TRPV5: variants seen among roughly 807,000 people sequenced by gnomAD.
TRPV5 encodes the protein calcium transport protein 2.
TRPV5 carries 66 observed loss-of-function variants against 74.1 expected under a neutral mutation model. The observed-to-expected ratio is 0.89, with a 90% CI of 0.73 to 1.09. TRPV5 has a LOEUF of 1.09. Ranked by LOEUF, TRPV5 falls within the 50% of genes least tolerant of loss-of-function variation. The pLI is 0.00. For missense variants in TRPV5, 936 were observed against 930.4 expected (o/e 1.01, Z -0.08); for synonymous variants, 399 against 360.7 (o/e 1.11, Z -1.20).
Position 142,908,522 on chromosome 7 carries a change from G to A in TRPV5, c.2182C>T (p.His728Tyr). 1 of 1,614,052 alleles carries A rather than the reference G, an allele frequency of 6.2e-7. No homozygotes were observed. The highest frequency in any genetic ancestry group is 8.5e-7 in the Non-Finnish European group (1 of 1,179,910). ...LSEGDGEEVY[H>Y]F ...AGTGATAGCGATGTTAATCAAAAAT[G>A]GTAGACCTCCTCTCCATCCCCCTCA... is the stretch of plus-strand genomic sequence containing the variant. Residue 728 changes from histidine (H) to tyrosine (Y), a missense_variant, in exon 15 of 15, where the codon CAT becomes TAT. By Grantham distance (83) the His-to-Tyr change is moderately conservative. Transcript: ENST00000265310.
chr7:142,920,057 C>A (rs1411001742), intron 8 of TRPV5, among the ~76,000 whole-genome samples: 2 of 152,334 alleles, frequency 1.3e-5, no homozygotes, highest in East Asian at 1.9e-4. Context: ...GTCTTTGTCA[C>A]AACACACATG....
chr7:142,916,436 A>C (rs1019962240), intron 8 of TRPV5, among the ~76,000 whole-genome samples: 11 of 152,180 alleles, frequency 7.2e-5, no homozygotes, highest in Non-Finnish European at 1.3e-4. Context: ...TTTTGAAGTT[A>C]TGAGCTCACT....
At chr7:142,914,845 T>C in intron 11 of TRPV5, 36 bp downstream of exon 11, 1 of 1,612,510 alleles carries the variant, frequency 6.2e-7, no homozygotes, top group Non-Finnish European at 8.5e-7. Flanking sequence ...GAAGGTCTTG[T>C]GCCTGAGGCG....
Position 142,924,337 on chromosome 7 carries a change from C to CATATATATATACATATACATGTATAT in TRPV5, c.1122+1191_1122+1192insATATACATGTATATGTATATATATAT, listed in dbSNP as rs1795941536. Among the ~76,000 whole-genome samples, 39 of 10,446 alleles carry CATATATATATACATATACATGTATAT rather than the reference C, an allele frequency of 3.7e-3. 2 individuals are homozygous for CATATATATATACATATACATGTATAT. Among genetic ancestry groups the CATATATATATACATATACATGTATAT allele is most frequent in the Non-Finnish European group, 0.012 (37 of 3,182 alleles). 6.9% of individuals were successfully genotyped at this position (10,446 alleles called of 152,430 possible). A position where few individuals can be genotyped will look rare whatever the true frequency, so the allele number is the denominator to read the frequency against. ...ACACACATATACATGTATATATATA[C>CATATATATATACATATACATGTATAT]ATATATATATATATAGACATATACA... is the stretch of plus-strand genomic sequence containing the variant. On this transcript the variant is annotated intron_variant, in intron 8 of 14. Coordinates refer to ENST00000265310, the MANE Select transcript of TRPV5 (RefSeq NM_019841.7).
intron 8 of TRPV5, among the ~76,000 whole-genome samples, chr7:142,923,239 G>A (rs191344011): frequency 2.7e-4 from 41 of 152,206 alleles, no homozygotes; most frequent in African/African-American, 9.6e-4. Flanking sequence ...GTCAACAATT[G>A]CATGAGTCAA....
At chr7:142,920,935 G>C (rs1474136344) in intron 8 of TRPV5, among the ~76,000 whole-genome samples, 1 of 152,162 alleles carries the variant, frequency 6.6e-6, no homozygotes, top group Admixed American at 6.5e-5. Flanking sequence ...CATGATCAGT[G>C]CTCAGTGGAT....
chr7:142,931,002 C>T (rs1796081410), intron 1 of TRPV5, among the ~76,000 whole-genome samples: 1 of 147,602 alleles, frequency 6.8e-6, no homozygotes, highest in Non-Finnish European at 1.5e-5. Flanking sequence ...AAAGTTCTGA[C>T]TACTCCCTCA....
rs560500461 is a variant in TRPV5, at chr7:142,928,632, C to G, written c.762+59G>C. Reference sequence around the variant, plus strand: ...CCTTCACCTCTATTTCTCCCAGGGCCAGCAGGATAGGTTGAGGGTCATTAG... The same window carrying G: ...CCTTCACCTCTATTTCTCCCAGGGCGAGCAGGATAGGTTGAGGGTCATTAG... On this transcript the variant is annotated intron_variant, in intron 6 of 14. Coordinates refer to ENST00000265310, the MANE Select transcript of TRPV5 (RefSeq NM_019841.7). The G allele has an allele frequency of 7.1e-6, 11 of 1,551,872 alleles. No homozygotes were observed. The South Asian group carries it at 1.3e-4, about 19-fold the overall frequency.
At chr7:142,910,338 G>A (rs1217980179) in intron 13 of TRPV5, among the ~76,000 whole-genome samples, 1 of 152,150 alleles carries the variant, frequency 6.6e-6, no homozygotes, top group Non-Finnish European at 1.5e-5. Flanking sequence ...AAAGGTGTGG[G>A]AGTGCTAGCT....
At chr7:142,910,755 GT>G (rs1267153593) in intron 13 of TRPV5, among the ~76,000 whole-genome samples, 2 of 152,180 alleles carry the variant, frequency 1.3e-5, no homozygotes, top group Non-Finnish European at 2.9e-5. Flanking sequence ...TGAAAGAAAT[GT>G]TTATTGTTCC....
intron 8 of TRPV5, among the ~76,000 whole-genome samples, chr7:142,920,911 T>A (rs1171478198): frequency 6.6e-6 from 1 of 152,204 alleles, no homozygotes; most frequent in African/African-American, 2.4e-5. Flanking sequence ...AAAACACTGA[T>A]GAATGCATGT....
intron 11 of TRPV5, 38 bp from the exon 12 acceptor site, chr7:142,914,744 C>A (rs768816637): frequency 6.2e-7 from 1 of 1,611,458 alleles, no homozygotes. Flanking sequence ...GGGATGATTC[C>A]TTTTCCACTG....
rs3840678 is a variant in TRPV5 at position 142,912,837 on chromosome 7, GATCTATCTATCT to G, written c.1520-99_1520-88del. 7.5e-4 allele frequency: 549 copies of G among 734,870 alleles called. 1 individual carries two copies. Among genetic ancestry groups the G allele is most frequent in the South Asian group, 1.1e-3 (54 of 48,062 alleles). The allele number at this position is 734,870 out of a possible 1,614,324, so 45.5% of individuals were successfully genotyped here. ...CATGGTTAGCACTTATTCTATCTCT[GATCTATCTATCT>G]ATCTATCTATCTATCTATCTATCTA... On this transcript the variant is annotated intron_variant, in intron 12 of 14. Transcript: ENST00000265310.
At chr7:142,922,245 A>G (rs1004955478) in intron 8 of TRPV5, among the ~76,000 whole-genome samples, 8 of 152,340 alleles carry the variant, frequency 5.3e-5, no homozygotes, top group African/African-American at 1.9e-4. Flanking sequence ...GAGGCTCTCA[A>G]TAATAATTTA....
In TRPV5 at chr7:142,929,130, C is replaced by T. The variant is rs1563377813; in HGVS notation, c.488-10G>A. ...GACAAAGGGTGCTCCCCTGTGGACACAGAGAGATCCATGGCAGGAGAACGC... is the reference window on the plus strand; with the variant it reads ...GACAAAGGGTGCTCCCCTGTGGACATAGAGAGATCCATGGCAGGAGAACGC... On this transcript the variant is annotated splice_polypyrimidine_tract_variant and intron_variant, in intron 4 of 14. Coordinates refer to ENST00000265310, the MANE Select transcript of TRPV5 (RefSeq NM_019841.7). The T allele has an allele frequency of 1.2e-6, 2 of 1,613,402 alleles. No individual in the cohort carries two copies. Among genetic ancestry groups the T allele is most frequent in the Non-Finnish European group, 1.7e-6 (2 of 1,179,754 alleles).
rs756722094 is a variant in TRPV5 at position 142,908,723 on chromosome 7, C to T, written c.1981G>A (p.Glu661Lys). The T allele has an allele frequency of 1.9e-6, 3 of 1,614,186 alleles. No homozygotes were observed. The East Asian group carries it at 6.7e-5, about 36-fold the overall frequency. Residue 661 changes from glutamate (E) to lysine (K), a missense_variant, in exon 15 of 15, where the codon GAG becomes AAG. Physicochemically the swap from Glu to Lys is moderately conservative, Grantham distance 56. Coordinates refer to ENST00000265310, the MANE Select transcript of TRPV5 (RefSeq NM_019841.7). ...FKNSDKEDDQ[E>K]HPSEKQPSGA... The stretch of plus-strand genomic sequence containing the variant: ...GAGGGCTGTTTCTCAGATGGATGCT[C>T]CTGGTCATCCTCCTTGTCTGAGTTC...
intron 8 of TRPV5, 51 bp downstream of exon 8, chr7:142,925,478 A>G: frequency 6.3e-7 from 1 of 1,598,312 alleles, no homozygotes; most frequent in Non-Finnish European, 8.6e-7. Flanking sequence ...CGTTTCCAGC[A>G]CCATCACCCC....
At chr7:142,928,332 C>G in intron 6 of TRPV5, 98 bp from the exon 7 acceptor site, 1 of 1,302,072 alleles carries the variant, frequency 7.7e-7, no homozygotes. Flanking sequence ...CCCCTTGAGA[C>G]AGACAGACAG....
intron 8 of TRPV5, chr7:142,925,189 C>G (rs1795961610): frequency 4.0e-6 from 2 of 496,984 alleles, no homozygotes; most frequent in Admixed American, 3.5e-5. Context: ...CACAATTTTC[C>G]TCCTTTTGAG....
Sources: allele counts gnomAD v4.1 joint callset (sites outside exome capture counted in the v4.1 genomes callset), GRCh38; gene constraint gnomAD v4.1.1; transcripts MANE v1.5; gene names NCBI Gene and HGNC (gene_info 2026-07-23, HGNC 2026-07-21).